Variants in NUP210L observed in about 807,000 individuals in gnomAD.
NUP210L encodes nucleoporin 210 like, also known as nuclear pore membrane glycoprotein 210-like.
A neutral mutation model predicts 208.5 loss-of-function variants in NUP210L; 74 were observed. The observed-to-expected ratio is 0.35, with a 90% CI of 0.29 to 0.43. The LOEUF is 0.43. Ranked by LOEUF, NUP210L falls within the 20% of genes least tolerant of loss-of-function variation. The pLI is 1.00. For missense variants in NUP210L, 1,843 were observed against 2,289.4 expected (o/e 0.81, Z 3.98); for synonymous variants, 780 against 816.9 (o/e 0.95, Z 0.77).
intron 38 of NUP210L, 89 bp downstream of exon 38, chr1:153,994,987 G>A (rs1649739833): frequency 2.5e-6 from 2 of 802,676 alleles, no homozygotes; most frequent in Non-Finnish European, 3.9e-6. Flanking sequence ...ACTCCAGCGT[G>A]GGCGACAGAC....
At chr1:154,152,104 A>AAAAAG (rs1558013263) in intron 2 of NUP210L, among the ~76,000 whole-genome samples, 3 of 119,894 alleles carry the variant, frequency 2.5e-5, no homozygotes, top group East Asian at 4.9e-4. Flanking sequence ...AAAAAAAAAA[A>AAAAAG]AAAGAAAGAA....
intron 15 of NUP210L, among the ~76,000 whole-genome samples, chr1:154,090,412 A>T (rs1655844283): frequency 6.6e-6 from 1 of 152,228 alleles, no homozygotes; most frequent in Non-Finnish European, 1.5e-5. Flanking sequence ...ACCTGAAATT[A>T]CTAAATAGCT....
At chr1:154,030,533 A>G (rs1045127735) in intron 27 of NUP210L, among the ~76,000 whole-genome samples, 1 of 152,004 alleles carries the variant, frequency 6.6e-6, no homozygotes, top group African/African-American at 2.4e-5. Flanking sequence ...CGTGGCCTCA[A>G]GCGATCTGCC....
At chr1:154,153,011 T>C in intron 1 of NUP210L, 139 bp from the exon 2 acceptor site, 1 of 680,022 alleles carries the variant, frequency 1.5e-6, no homozygotes, top group South Asian at 2.1e-5. Context: ...GGAACATTGC[T>C]TAGGGATGCG....
intron 3 of NUP210L, among the ~76,000 whole-genome samples, chr1:154,142,968 C>G (rs991618900): frequency 2.6e-5 from 4 of 151,754 alleles, no homozygotes; most frequent in Non-Finnish European, 5.9e-5. Flanking sequence ...GCGGGTGGAT[C>G]ACCTGAGGTC....
chr1:154,061,051 A>C lies in NUP210L; in HGVS notation c.2644-5T>G. 6.3e-7 allele frequency: 1 copy of C among 1,588,762 alleles called. No homozygotes were observed. The highest frequency in any genetic ancestry group is 1.3e-5 in the African/African-American group (1 of 74,534). The stretch of plus-strand genomic sequence containing the variant: ...TCTGGGCAAGTTGGAAATTTCCTAG[A>C]AATATAATAAGAACCACAAAAGTGA... On this transcript the variant is annotated splice_region_variant and splice_polypyrimidine_tract_variant and intron_variant, in intron 18 of 39. Transcript: ENST00000368559.
intron 37 of NUP210L, among the ~76,000 whole-genome samples, chr1:153,996,876 A>G (rs1461824516): frequency 3.5e-5 from 5 of 142,390 alleles, no homozygotes; most frequent in Non-Finnish European, 7.7e-5. Flanking sequence ...TTTTGAGACA[A>G]GGTCTCAGGC....
chr1:154,146,195 C>T (rs909275707), intron 2 of NUP210L, among the ~76,000 whole-genome samples: 1 of 152,056 alleles, frequency 6.6e-6, no homozygotes, highest in African/African-American at 2.4e-5. Flanking sequence ...AGGAGCCAAC[C>T]TGAAAGAGCC....
chr1:153,994,540 G>A (rs1170597514), intron 38 of NUP210L, among the ~76,000 whole-genome samples: 1 of 151,196 alleles, frequency 6.6e-6, no homozygotes, highest in East Asian at 2.0e-4. Flanking sequence ...TCGAACTCCT[G>A]AACTTAGGTG....
In NUP210L at chr1:154,090,165, G is replaced by A. The variant is rs1383018685; in HGVS notation, c.2188-571C>T. 4.6e-5 allele frequency among the ~76,000 whole-genome samples: 7 copies of A among 151,276 alleles called. No individual in the cohort carries two copies. The South Asian group carries it at 8.3e-4, about 18-fold the overall frequency. ...AGTCTGAGGCAGGAGGATTGCTTGC[G>A]CCAAGGAGTTCAAGACCAGCTTGAG... is the stretch of plus-strand genomic sequence containing the variant. On this transcript the variant is annotated intron_variant, in intron 15 of 39. Coordinates refer to ENST00000368559, the Ensembl canonical transcript of NUP210L.
At chr1:154,120,720 C>A (rs1254884218) in intron 10 of NUP210L, among the ~76,000 whole-genome samples, 1 of 150,736 alleles carries the variant, frequency 6.6e-6, no homozygotes, top group Non-Finnish European at 1.5e-5. Context: ...ATGGTGAAAC[C>A]CCGTCTCTAC....
chr1:154,072,109 A>C (rs1654767994), intron 16 of NUP210L, among the ~76,000 whole-genome samples: 1 of 151,814 alleles, frequency 6.6e-6, no homozygotes, highest in Admixed American at 6.6e-5. Context: ...TATCTTTTTC[A>C]TATAATGACT....
intron 16 of NUP210L, among the ~76,000 whole-genome samples, chr1:154,085,043 C>T (rs1257705400): frequency 1.4e-5 from 2 of 141,048 alleles, no homozygotes; most frequent in Admixed American, 1.4e-4. Context: ...AGCCACAGCA[C>T]CTGGCCTAAA....
chr1:154,016,196 C>T (rs916365088), intron 33 of NUP210L, among the ~76,000 whole-genome samples: 31 of 151,496 alleles, frequency 2.0e-4, no homozygotes, highest in South Asian at 6.2e-4. Context: ...TTTGAGGCTG[C>T]AGTGAGCCAT....
intron 7 of NUP210L, among the ~76,000 whole-genome samples, chr1:154,135,297 T>A (rs1375357634): frequency 6.6e-6 from 1 of 152,192 alleles, no homozygotes; most frequent in East Asian, 1.9e-4. Flanking sequence ...AGCATTGAAG[T>A]TAGTAGATCC....
In NUP210L at chr1:154,015,871, C is replaced by T. The variant is rs559821490; in HGVS notation, c.4653+3062G>A. Among the ~76,000 whole-genome samples, 48 of 151,174 alleles carry T rather than the reference C, an allele frequency of 3.2e-4. No individual in the cohort carries two copies. In the East Asian group the frequency reaches 9.3e-3, roughly 29 times the overall value. ...TGAGTGATCTGAGATCACACCACTG[C>T]ACTCCAGCCTGGGTGACACAGCAAG... On this transcript the variant is annotated intron_variant, in intron 33 of 39. Coordinates refer to ENST00000368559, the Ensembl canonical transcript of NUP210L.
rs576565350 is a variant in NUP210L, at chr1:154,040,880, C to T, written c.3696+5189G>A. Among the ~76,000 whole-genome samples, 515 of 152,226 alleles carry T rather than the reference C, an allele frequency of 3.4e-3. 4 individuals are homozygous for T. Among genetic ancestry groups the T allele is most frequent in the Non-Finnish European group, 5.4e-3 (367 of 68,006 alleles). ...TGCTGGGATTACAGGCGTGAGCCAC[C>T]GCGCCCAGCCAGATTCTTTCTTATG... On this transcript the variant is annotated intron_variant, in intron 27 of 39. Coordinates refer to ENST00000368559, the Ensembl canonical transcript of NUP210L.
exon 16 of NUP210L, chr1:154,089,569 T>C (rs1246588931): frequency 6.2e-7 from 1 of 1,614,160 alleles, no homozygotes; most frequent in Non-Finnish European, 8.5e-7. Context: ...GACACCTGGA[T>C]GATTTCCAAT....
intron 23 of NUP210L, among the ~76,000 whole-genome samples, 200 bp downstream of exon 23, chr1:154,056,615 C>T (rs1477780280): frequency 6.6e-6 from 1 of 152,084 alleles, no homozygotes; most frequent in Non-Finnish European, 1.5e-5. Context: ...GAGACAGAGT[C>T]TCACTATGTT....
Sources: allele counts gnomAD v4.1 joint callset (sites outside exome capture counted in the v4.1 genomes callset), GRCh38; gene constraint gnomAD v4.1.1; transcripts MANE v1.5; gene names NCBI Gene and HGNC (gene_info 2026-07-23, HGNC 2026-07-21).